The following FAT3 variants were observed in gnomAD, a reference collection of about 807,000 sequenced individuals.
FAT3 encodes protocadherin Fat 3.
FAT3 carries 95 observed loss-of-function variants against 310.2 expected under a neutral mutation model. That is an observed-to-expected ratio of 0.31 (90% CI 0.26 to 0.36). The LOEUF is 0.36. Among genes scored for constraint, FAT3 ranks in the 10% least tolerant of loss-of-function variants. FAT3 has a pLI of 1.00. For missense variants in FAT3, 5,408 were observed against 5,715.6 expected (o/e 0.95, Z 1.74); for synonymous variants, 2,314 against 2,192.9 (o/e 1.06, Z -1.54).
intron 2 of FAT3, among the ~76,000 whole-genome samples, chr11:92,425,975 G>T (rs571230141): frequency 6.6e-6 from 1 of 152,244 alleles, no homozygotes; most frequent in South Asian, 2.1e-4. Flanking sequence ...TTCTACAATG[G>T]TTGAACTAAT....
intron 3 of FAT3, among the ~76,000 whole-genome samples, chr11:92,645,390 G>A (rs1342510294): frequency 6.6e-6 from 1 of 151,632 alleles, no homozygotes; most frequent in Admixed American, 6.6e-5. Flanking sequence ...TTCTACGCTG[G>A]TTAGGGAATA....
At chr11:92,716,170 T>C (rs959324741) in intron 4 of FAT3, among the ~76,000 whole-genome samples, 1 of 152,122 alleles carries the variant, frequency 6.6e-6, no homozygotes, top group Non-Finnish European at 1.5e-5. Flanking sequence ...AGCAGTAAGA[T>C]AAAAGATACC....
rs1391961994 is a variant in FAT3 at position 92,224,998 on chromosome 11, G to T, written c.-194G>T. On this transcript the variant is annotated 5_prime_UTR_variant, in exon 1 of 28. Coordinates refer to ENST00000525166, the MANE Select transcript of FAT3 (RefSeq NM_001367949.2). ...CGAACCCCCGGCGGCGGCGGCGGCG[G>T]CGTCCCGAGCGCAGAGCGCTTCTGC... Among the ~76,000 whole-genome samples the T allele has an allele frequency of 6.6e-6, 1 of 152,062 alleles. No individual in the cohort carries two copies. The highest frequency in any genetic ancestry group is 2.0e-4 in the East Asian group (1 of 5,128).
In FAT3 at chr11:92,809,872, C is replaced by T. The variant is rs1022891492; in HGVS notation, c.9277C>T (p.Arg3093Trp). The T allele has an allele frequency of 8.1e-6, 13 of 1,613,816 alleles. No individual in the cohort carries two copies. The highest frequency in any genetic ancestry group is 1.0e-5 in the Non-Finnish European group (12 of 1,179,796). Residue 3093 changes from arginine to tryptophan, a missense_variant, in exon 13 of 28, where the codon CGG becomes TGG. Transcript: ENST00000525166. ...GTTAAAAACCTTGGCTCTGTTGGAC[C>T]GGGAGAGGATCCCCGTGTACAGCCT... is the stretch of plus-strand genomic sequence containing the variant. Reference protein sequence around the residue: ...GELKTLALLDRERIPVYSLMA... With the variant: ...GELKTLALLDWERIPVYSLMA...
In FAT3 at chr11:92,387,953, G is replaced by C. The variant is rs182369469; in HGVS notation, c.3292+32549G>C. Among the ~76,000 whole-genome samples, 12 of 152,238 alleles carry C rather than the reference G, an allele frequency of 7.9e-5. No individual in the cohort carries two copies. The East Asian group carries it at 1.2e-3, about 15-fold the overall frequency. ...ATTGTCCTGTCAATACTGAACCATG[G>C]TATACTGTCCTTGTTCTAAATACAG... On this transcript the variant is annotated intron_variant, in intron 2 of 27. Transcript: ENST00000525166.
Position 92,583,756 on chromosome 11 carries a change from A to G in FAT3, c.3607+58808A>G, listed in dbSNP as rs559871760. ...TGGAGCTGATGTTCTGTTTGTTTAA[A>G]ATTTGACTTCCTCCCAGACAACAGA... On this transcript the variant is annotated intron_variant, in intron 3 of 27. Transcript: ENST00000525166. 2.0e-5 allele frequency among the ~76,000 whole-genome samples: 3 copies of G among 152,084 alleles called. No individual in the cohort carries two copies. The East Asian group carries it at 5.8e-4, about 30-fold the overall frequency.
intron 2 of FAT3, chr11:92,367,125 C>A: frequency 2.4e-6 from 1 of 417,166 alleles, no homozygotes; most frequent in Non-Finnish European, 4.7e-6. Context: ...CCAGTGCCTG[C>A]CTGTAGCACT....
chr11:92,439,061 C>A (rs1327432571), intron 2 of FAT3, among the ~76,000 whole-genome samples: 2 of 152,174 alleles, frequency 1.3e-5, no homozygotes, highest in African/African-American at 2.4e-5. Context: ...AGATCACTGA[C>A]TATGGGAGAG....
chr11:92,876,842 T>C (rs919670727), intron 22 of FAT3, among the ~76,000 whole-genome samples: 1 of 152,232 alleles, frequency 6.6e-6, no homozygotes, highest in Non-Finnish European at 1.5e-5. Flanking sequence ...TAACTATCTT[T>C]TATCTGTAGA....
chr11:92,384,293 T>C (rs140212908), intron 2 of FAT3, among the ~76,000 whole-genome samples: 55 of 152,306 alleles, frequency 3.6e-4, no homozygotes, highest in Non-Finnish European at 6.0e-4. Flanking sequence ...GAAGCCTTAA[T>C]AAGTGTGTCT....
chr11:92,433,008 A>G (rs988051189), intron 2 of FAT3, among the ~76,000 whole-genome samples: 1 of 152,240 alleles, frequency 6.6e-6, no homozygotes, highest in Non-Finnish European at 1.5e-5. Context: ...TCCAGTCTGA[A>G]CTTTGCAGCA....
At chr11:92,666,262 TAAA>T (rs1459545440) in intron 3 of FAT3, among the ~76,000 whole-genome samples, 1 of 152,112 alleles carries the variant, frequency 6.6e-6, no homozygotes, top group Non-Finnish European at 1.5e-5. Context: ...ATTTAATTGA[TAAA>T]GGTGTTAATT....
chr11:92,820,010 C>T (rs1947919359), intron 13 of FAT3, among the ~76,000 whole-genome samples: 1 of 152,166 alleles, frequency 6.6e-6, no homozygotes, highest in African/African-American at 2.4e-5. Context: ...GCTGGACTTA[C>T]TGACTCACAT....
intron 2 of FAT3, among the ~76,000 whole-genome samples, chr11:92,390,415 G>C (rs970608147): frequency 6.6e-6 from 1 of 152,140 alleles, no homozygotes; most frequent in African/African-American, 2.4e-5. Flanking sequence ...AGGGCACCCA[G>C]CCTAAACCTA....
chr11:92,561,652 G>A (rs1955230947), intron 3 of FAT3, among the ~76,000 whole-genome samples: 1 of 151,904 alleles, frequency 6.6e-6, no homozygotes, highest in South Asian at 2.1e-4. Flanking sequence ...TTGAGACGGA[G>A]TCTCGCTCTG....
At chr11:92,629,020 G>T (rs771541066) in intron 3 of FAT3, among the ~76,000 whole-genome samples, 20 of 152,204 alleles carry the variant, frequency 1.3e-4, no homozygotes, top group Admixed American at 8.5e-4. Flanking sequence ...CTTATCTTCT[G>T]CTCTTAAGCA....
At chr11:92,412,702 G>GATAT (rs758587642) in intron 2 of FAT3, among the ~76,000 whole-genome samples, 220 of 13,330 alleles carry the variant, frequency 0.017, 7 homozygotes, top group South Asian at 0.034. Flanking sequence ...TGATGGTGGT[G>GATAT]ATATATATAT....
At chr11:92,362,818 T>C (rs564085129) in intron 2 of FAT3, among the ~76,000 whole-genome samples, 11 of 152,230 alleles carry the variant, frequency 7.2e-5, no homozygotes, top group Non-Finnish European at 1.6e-4. Context: ...TACTGATATT[T>C]TCTAGCAATC....
intron 2 of FAT3, among the ~76,000 whole-genome samples, chr11:92,376,222 C>T (rs1434204804): frequency 6.6e-6 from 1 of 152,186 alleles, no homozygotes; most frequent in African/African-American, 2.4e-5. Flanking sequence ...CTGGAATTGA[C>T]TGGCAGACCA....
Sources: allele counts gnomAD v4.1 joint callset (sites outside exome capture counted in the v4.1 genomes callset), GRCh38; gene constraint gnomAD v4.1.1; transcripts MANE v1.5; gene names NCBI Gene and HGNC (gene_info 2026-07-23, HGNC 2026-07-21).